Variants in NTM observed in about 807,000 individuals in gnomAD.
NTM encodes neurotrimin.
A neutral mutation model predicts 42.1 loss-of-function variants in NTM; 13 were observed. That is an observed-to-expected ratio of 0.31 (90% CI 0.20 to 0.49). The LOEUF is 0.49. Ranked by LOEUF, NTM falls within the 20% of genes least tolerant of loss-of-function variation. The pLI is 0.99. For missense variants in NTM, 373 were observed against 452.8 expected, an observed-to-expected ratio of 0.82 and a Z score of 1.60; for synonymous variants, 187 against 179.2, an observed-to-expected ratio of 1.04 and a Z score of -0.35.
intron 4 of NTM, among the ~76,000 whole-genome samples, chr11:132,255,836 C>T (rs768418479): frequency 6.6e-6 from 1 of 152,082 alleles, no homozygotes. Flanking sequence ...GCTCCACTGC[C>T]GTCCTGTTGC....
intron 1 of NTM, among the ~76,000 whole-genome samples, chr11:131,803,281 A>C (rs1430736819): frequency 6.6e-6 from 1 of 150,920 alleles, no homozygotes; most frequent in Non-Finnish European, 1.5e-5. Flanking sequence ...GAAGTTTGTC[A>C]CTAACGTATT....
chr11:131,378,630 A>G (rs1169878494), intron 1 of NTM, among the ~76,000 whole-genome samples: 3 of 152,212 alleles, frequency 2.0e-5, no homozygotes, highest in Non-Finnish European at 4.4e-5. Context: ...TAGAACTGAT[A>G]ATGACTCTCA....
At chr11:131,514,066 T>A (rs552117111) in intron 1 of NTM, among the ~76,000 whole-genome samples, 1 of 152,144 alleles carries the variant, frequency 6.6e-6, no homozygotes, top group African/African-American at 2.4e-5. Context: ...ATAATAATGG[T>A]AAGTCAGCTG....
intron 2 of NTM, among the ~76,000 whole-genome samples, chr11:132,129,420 G>A (rs1377735254): frequency 1.3e-5 from 2 of 152,196 alleles, no homozygotes; most frequent in African/African-American, 4.8e-5. Flanking sequence ...CCTGAGTTGA[G>A]GTCTTGCTGT....
chr11:131,443,760 G>A (rs1189207174), intron 1 of NTM, among the ~76,000 whole-genome samples: 1 of 152,162 alleles, frequency 6.6e-6, no homozygotes, highest in Non-Finnish European at 1.5e-5. Context: ...GTCTTTATCT[G>A]TCCTTCTTGA....
chr11:131,615,948 T>A (rs1341334494), intron 1 of NTM, among the ~76,000 whole-genome samples: 1 of 152,214 alleles, frequency 6.6e-6, no homozygotes, highest in African/African-American at 2.4e-5. Flanking sequence ...CTAGAGTCCT[T>A]CCCAGAGCCG....
At chr11:131,788,698 C>T (rs936976087) in intron 1 of NTM, among the ~76,000 whole-genome samples, 22 of 152,194 alleles carry the variant, frequency 1.4e-4, no homozygotes, top group Non-Finnish European at 2.9e-5. Context: ...AATGTTTCTT[C>T]CTCCTCCCCA....
intron 1 of NTM, among the ~76,000 whole-genome samples, chr11:131,396,849 G>T (rs1390509404): frequency 6.6e-6 from 1 of 151,956 alleles, no homozygotes; most frequent in Non-Finnish European, 1.5e-5. Context: ...AAAAAAATGG[G>T]GAACATAAAT....
chr11:131,734,285 G>A (rs1195375772), intron 1 of NTM, among the ~76,000 whole-genome samples: 1 of 152,198 alleles, frequency 6.6e-6, no homozygotes, highest in Admixed American at 6.5e-5. Flanking sequence ...CTGAATGGCC[G>A]CTGCCATGGT....
intron 1 of NTM, among the ~76,000 whole-genome samples, chr11:131,423,609 AC>A (rs1465618900): frequency 1.2e-4 from 19 of 152,174 alleles, no homozygotes; most frequent in African/African-American, 4.6e-4. Context: ...TTCCAGGGGC[AC>A]AAAGTCGACT....
chr11:132,050,946 TA>T (rs2078767977), intron 2 of NTM, among the ~76,000 whole-genome samples: 1 of 152,206 alleles, frequency 6.6e-6, no homozygotes, highest in Non-Finnish European at 1.5e-5. Flanking sequence ...AGGAACTTGA[TA>T]AAGAGGACTT....
chr11:131,662,620 C>A (rs1334117732), intron 1 of NTM, among the ~76,000 whole-genome samples: 1 of 152,172 alleles, frequency 6.6e-6, no homozygotes, highest in Non-Finnish European at 1.5e-5. Context: ...GCCTGTGGAT[C>A]AAGGTTGATG....
At chr11:131,969,974 C>G (rs1246387456) in intron 2 of NTM, among the ~76,000 whole-genome samples, 1 of 152,168 alleles carries the variant, frequency 6.6e-6, no homozygotes, top group Non-Finnish European at 1.5e-5. Flanking sequence ...CAGCACCATG[C>G]CTGGCTACTT....
At chr11:132,127,709 T>G (rs1449668720) in intron 2 of NTM, among the ~76,000 whole-genome samples, 1 of 152,240 alleles carries the variant, frequency 6.6e-6, no homozygotes, top group Non-Finnish European at 1.5e-5. Flanking sequence ...GATTACAGTG[T>G]CTGCCACTCT....
chr11:132,044,484 C>T (rs1246872530), intron 2 of NTM, among the ~76,000 whole-genome samples: 1 of 152,018 alleles, frequency 6.6e-6, no homozygotes, highest in East Asian at 1.9e-4. Context: ...AAGAGGAGGA[C>T]CCCTCTTCTG....
intron 3 of NTM, among the ~76,000 whole-genome samples, chr11:132,151,461 T>A (rs934870159): frequency 6.6e-6 from 1 of 151,938 alleles, no homozygotes; most frequent in African/African-American, 2.4e-5. Flanking sequence ...TCACTCTCAC[T>A]TAGAGACACA....
chr11:132,101,726 C>T (rs556477835), intron 2 of NTM, among the ~76,000 whole-genome samples: 12 of 152,168 alleles, frequency 7.9e-5, no homozygotes, highest in Non-Finnish European at 1.6e-4. Flanking sequence ...TAGGCGTATA[C>T]GGTGTGTAGG....
chr11:131,932,566 T>C (rs1297084837), intron 2 of NTM, among the ~76,000 whole-genome samples: 3 of 152,208 alleles, frequency 2.0e-5, no homozygotes, highest in Non-Finnish European at 2.9e-5. Flanking sequence ...TGGATCTTAA[T>C]TGCCCCTTCA....
chr11:131,945,124 C>T (rs144728870), intron 2 of NTM, among the ~76,000 whole-genome samples: 34 of 152,120 alleles, frequency 2.2e-4, no homozygotes, highest in Non-Finnish European at 4.0e-4. Flanking sequence ...TAAAGGTTTG[C>T]GGTATTTTCC....
Sources: gnomAD v4.1 joint callset for allele counts (sites outside exome capture counted in the v4.1 genomes callset) on GRCh38, gnomAD v4.1.1 for gene constraint, MANE v1.5 for transcripts, NCBI Gene and HGNC (gene_info 2026-07-23, HGNC 2026-07-21) for gene names.